Variants in PRKX observed in about 807,000 individuals in gnomAD.
The protein encoded by PRKX is protein kinase cAMP-dependent X-linked catalytic subunit.
Under a neutral mutation model 22.0 loss-of-function variants are expected in PRKX, and 12 were observed. The ratio of observed to expected loss-of-function variants is 0.54; its 90% confidence interval spans 0.35 to 0.88. PRKX has a LOEUF of 0.88. Among genes scored for constraint, PRKX ranks in the 40% least tolerant of loss-of-function variants. The pLI is 0.01. For synonymous variants in PRKX, 134 were observed against 137.7 expected, an observed-to-expected ratio of 0.97 and a Z score of 0.19; for missense variants, 217 against 308.0, an observed-to-expected ratio of 0.70 and a Z score of 2.21.
chrX:3,639,536 C>T (rs113972101), intron 4 of PRKX, among the ~76,000 whole-genome samples: 2 of 11,710 alleles, frequency 1.7e-4, no homozygotes, highest in African/African-American at 8.2e-4. Context: ...GGATGGATGA[C>T]GGGGTGGGTG....
At chrX:3,613,854 C>CAAA (rs1205221732) in intron 7 of PRKX, among the ~76,000 whole-genome samples, 488 of 39,394 alleles carry the variant, frequency 0.012, 14 homozygotes, top group Middle Eastern at 0.018. Context: ...GACTCCATCT[C>CAAA]AAAAAAAAAA....
chrX:3,635,944 T>A (rs1477052719), intron 4 of PRKX, among the ~76,000 whole-genome samples: 1 of 111,638 alleles, frequency 9.0e-6, no homozygotes, highest in African/African-American at 3.3e-5. Flanking sequence ...CAGAAATGGA[T>A]GAGGAAAGAG....
intron 6 of PRKX, among the ~76,000 whole-genome samples, chrX:3,616,112 T>A (rs1240535764): frequency 1.8e-5 from 2 of 111,369 alleles, no homozygotes; most frequent in Non-Finnish European, 3.8e-5. Context: ...ACAAATCCAG[T>A]CATTCTGCTC....
At chrX:3,612,778 T>A (rs1250127996) in intron 7 of PRKX, among the ~76,000 whole-genome samples, 4 of 110,643 alleles carry the variant, frequency 3.6e-5, no homozygotes, top group Non-Finnish European at 5.7e-5. Flanking sequence ...CTGAGTGAGA[T>A]CCTGTCTCAA....
chrX:3,618,545 C>T (rs184249848), intron 6 of PRKX, among the ~76,000 whole-genome samples: 13 of 111,310 alleles, frequency 1.2e-4, no homozygotes, highest in African/African-American at 3.9e-4. Context: ...ACTCAATGGA[C>T]CCATTCCACA....
intron 4 of PRKX, among the ~76,000 whole-genome samples, chrX:3,639,392 TAGA>T (rs1177845543): frequency 2.4e-4 from 1 of 4,164 alleles, no homozygotes; most frequent in African/African-American, 8.2e-4. Context: ...GATGAAGGGG[TAGA>T]GGGGTGGGGG....
rs189835645 is a variant in PRKX at position 3,609,227 on chromosome X, T to A, written c.*24-282A>T. ...CCCAGGCTGGAGTACAGTGGTGTGA[T>A]CTCAGCTCACTGCAACCTCCGCCTC... On this transcript the variant is annotated intron_variant, in intron 8 of 8. Coordinates refer to ENST00000262848, the MANE Select transcript of PRKX (RefSeq NM_005044.5). Among the ~76,000 whole-genome samples, 114 of 111,223 alleles carry A rather than the reference T, an allele frequency of 1.0e-3. 1 individual carries two copies. Among genetic ancestry groups the A allele is most frequent in the African/African-American group, 3.2e-3 (98 of 30,637 alleles).
rs1263907434 is a variant in PRKX, at chrX:3,617,130, ATATATT to A, written c.874-1244_874-1239del. On this transcript the variant is annotated intron_variant, in intron 6 of 8. Transcript: ENST00000262848. ...CATATACACGTTAATATATACACAC[ATATATT>A]TATATATACACATACTTATATACAT... Among the ~76,000 whole-genome samples, 278 of 86,980 alleles carry A rather than the reference ATATATT, an allele frequency of 3.2e-3. 1 individual carries two copies. Among genetic ancestry groups the A allele is most frequent in the African/African-American group, 0.012 (267 of 21,421 alleles). 75.5% of individuals were successfully genotyped at this position (86,980 alleles called of 115,157 possible).
intron 1 of PRKX, among the ~76,000 whole-genome samples, chrX:3,681,510 C>T (rs1928072012): frequency 9.2e-6 from 1 of 109,278 alleles, no homozygotes; most frequent in South Asian, 4.1e-4. Context: ...AAAAAATTAG[C>T]CAGGCATGGT....
chrX:3,692,310 A>G (rs1160040916), intron 1 of PRKX, among the ~76,000 whole-genome samples: 1 of 110,361 alleles, frequency 9.1e-6, no homozygotes, highest in Non-Finnish European at 1.9e-5. Flanking sequence ...ATCCACCCCC[A>G]GTAGTGACAA....
chrX:3,658,142 C>T (rs994961713), intron 2 of PRKX, among the ~76,000 whole-genome samples: 2 of 110,571 alleles, frequency 1.8e-5, no homozygotes, highest in Non-Finnish European at 3.8e-5. Context: ...AGGCGCCCAC[C>T]ACCACGCCCA....
At chrX:3,657,705 C>G (rs895781846) in intron 2 of PRKX, among the ~76,000 whole-genome samples, 1 of 111,471 alleles carries the variant, frequency 9.0e-6, no homozygotes, top group Non-Finnish European at 1.9e-5. Context: ...TAAAAAGCCC[C>G]AAATGAAGTA....
chrX:3,637,213 G>A (rs751210291), intron 4 of PRKX, among the ~76,000 whole-genome samples: 3 of 110,758 alleles, frequency 2.7e-5, no homozygotes, highest in East Asian at 2.9e-4. Context: ...TTCCTGGCAC[G>A]TTTAAAAAGC....
intron 1 of PRKX, among the ~76,000 whole-genome samples, chrX:3,700,360 G>A (rs1928533872): frequency 8.9e-6 from 1 of 112,005 alleles, no homozygotes; most frequent in Non-Finnish European, 1.9e-5. Context: ...CTGTTTCTTT[G>A]CAAAGACTGA....
intron 3 of PRKX, among the ~76,000 whole-genome samples, chrX:3,652,787 G>A (rs1315792976): frequency 9.0e-6 from 1 of 110,648 alleles, no homozygotes; most frequent in African/African-American, 3.3e-5. Flanking sequence ...AAGGTAAAAC[G>A]AGGTCACTAG....
chrX:3,607,738 T>C lies in PRKX; in HGVS notation c.*1231A>G, dbSNP rs1318040287. 7 of 110,426 alleles carry C rather than the reference T, an allele frequency of 6.3e-5. No homozygotes were observed. The highest frequency in any genetic ancestry group is 5.7e-5 in the Non-Finnish European group (3 of 52,931). The allele number at this position is 110,426 out of a possible 1,213,427, so 9.1% of individuals were successfully genotyped here. A position where few individuals can be genotyped will look rare whatever the true frequency, so the allele number is the denominator to read the frequency against. ...GCTGCCCAGGTCGGTCTCGAACTCCTAGGCTCAATCTTCCTGCCTCAGCTT... is the reference window on the plus strand; with the variant it reads ...GCTGCCCAGGTCGGTCTCGAACTCCCAGGCTCAATCTTCCTGCCTCAGCTT... On this transcript the variant is annotated 3_prime_UTR_variant, in exon 9 of 9. Coordinates refer to ENST00000262848, the MANE Select transcript of PRKX (RefSeq NM_005044.5).
chrX:3,711,752 G>A (rs1340589864), intron 1 of PRKX, among the ~76,000 whole-genome samples: 1 of 111,179 alleles, frequency 9.0e-6, no homozygotes, highest in Non-Finnish European at 1.9e-5. Context: ...GGCAGAGAGA[G>A]AGGAGGGAGG....
chrX:3,613,854 CAAAAAAAAAAAA>C lies in PRKX; in HGVS notation c.952-1541_952-1530del, dbSNP rs1205221732. On this transcript the variant is annotated intron_variant, in intron 7 of 8. Coordinates refer to ENST00000262848, the MANE Select transcript of PRKX (RefSeq NM_005044.5). The stretch of plus-strand genomic sequence containing the variant: ...TGAGCGACAAAGTGAGACTCCATCT[CAAAAAAAAAAAA>C]AAAAAAAAAAAAAAGAAGCGTATCA... 1.3e-4 allele frequency among the ~76,000 whole-genome samples: 5 copies of C among 39,429 alleles called. 1 individual carries two copies. Among genetic ancestry groups the C allele is most frequent in the Non-Finnish European group, 2.2e-4 (5 of 22,377 alleles). 34.2% of individuals were successfully genotyped at this position (39,429 alleles called of 115,157 possible). A position where few individuals can be genotyped will look rare whatever the true frequency, so the allele number is the denominator to read the frequency against.
chrX:3,655,624 C>T (rs1419006241), intron 2 of PRKX, among the ~76,000 whole-genome samples: 1 of 112,175 alleles, frequency 8.9e-6, no homozygotes, highest in Non-Finnish European at 1.9e-5. Flanking sequence ...GATAGGTGTT[C>T]GAATGCACGT....
Sources: allele counts gnomAD v4.1 joint callset (sites outside exome capture counted in the v4.1 genomes callset), GRCh38; gene constraint gnomAD v4.1.1; transcripts MANE v1.5; gene names NCBI Gene and HGNC (gene_info 2026-07-23, HGNC 2026-07-21).